The following WWOX variants were observed in gnomAD, a reference collection of about 807,000 sequenced individuals.
WWOX encodes WW domain containing oxidoreductase, also known as WW domain-containing oxidoreductase.
Under a neutral mutation model 46.2 loss-of-function variants are expected in WWOX, and 69 were observed. The observed-to-expected ratio is 1.49, with a 90% CI of 1.23 to 1.82. The LOEUF is 1.82. Ranked by LOEUF, WWOX falls within the 40% of genes most tolerant of loss-of-function variation. The probability of loss-of-function intolerance (pLI) is 0.00; values close to 1 mark genes in which losing one functional copy is unlikely to be tolerated. For synonymous variants in WWOX, 359 were observed against 202.6 expected (o/e 1.77, Z -6.56); for missense variants, 919 against 542.6 (o/e 1.69, Z -6.89).
intron 8 of WWOX, among the ~76,000 whole-genome samples, chr16:78,933,664 C>G (rs1477813655): frequency 1.3e-5 from 2 of 152,082 alleles, no homozygotes; most frequent in African/African-American, 2.4e-5. Context: ...CTGGGGAGGC[C>G]TCACAATTAC....
intron 8 of WWOX, among the ~76,000 whole-genome samples, chr16:78,663,468 G>T (rs560300282): frequency 2.0e-5 from 3 of 152,056 alleles, no homozygotes; most frequent in African/African-American, 7.2e-5. Flanking sequence ...ATAATACTGC[G>T]ATATGAACAT....
chr16:79,126,639 C>T (rs1344921572), intron 8 of WWOX, among the ~76,000 whole-genome samples: 2 of 152,140 alleles, frequency 1.3e-5, no homozygotes, highest in African/African-American at 4.8e-5. Context: ...ACTACCCAGT[C>T]TCAGGTATTT....
At chr16:78,571,082 T>C (rs570442809) in intron 8 of WWOX, among the ~76,000 whole-genome samples, 1 of 152,320 alleles carries the variant, frequency 6.6e-6, no homozygotes, top group South Asian at 2.1e-4. Flanking sequence ...ATTGCTCCTT[T>C]CTTTATCTGC....
At chr16:79,149,087 G>T (rs1185125159) in intron 8 of WWOX, among the ~76,000 whole-genome samples, 3 of 152,148 alleles carry the variant, frequency 2.0e-5, no homozygotes, top group Non-Finnish European at 4.4e-5. Flanking sequence ...AGAGTAGTGA[G>T]AACATCCTTG....
chr16:78,569,838 A>G lies in WWOX; in HGVS notation c.1056+137086A>G, dbSNP rs144339472. Among the ~76,000 whole-genome samples, 100 of 152,310 alleles carry G rather than the reference A, an allele frequency of 6.6e-4. 1 individual carries two copies. Among genetic ancestry groups the G allele is most frequent in the African/African-American group, 2.2e-3 (93 of 41,574 alleles). On this transcript the variant is annotated intron_variant, in intron 8 of 8. Coordinates refer to ENST00000566780, the MANE Select transcript of WWOX (RefSeq NM_016373.4). ...GAGCTGCTAATAAACCATATTCGTAATATGATGTGACCTCATCGACAGGCT... is the reference window on the plus strand; with the variant it reads ...GAGCTGCTAATAAACCATATTCGTAGTATGATGTGACCTCATCGACAGGCT...
intron 4 of WWOX, among the ~76,000 whole-genome samples, chr16:78,127,360 C>T (rs563232347): frequency 6.6e-6 from 1 of 152,094 alleles, no homozygotes; most frequent in South Asian, 2.1e-4. Flanking sequence ...GTTCCCAGAT[C>T]CTCAAGAGGC....
chr16:79,011,375 C>T (rs1175857278), intron 8 of WWOX, among the ~76,000 whole-genome samples: 1 of 151,862 alleles, frequency 6.6e-6, no homozygotes, highest in Non-Finnish European at 1.5e-5. Flanking sequence ...CCCTTTGGAA[C>T]TTCTGTTGGT....
chr16:79,168,376 T>C (rs910708105), intron 8 of WWOX, among the ~76,000 whole-genome samples: 17 of 152,232 alleles, frequency 1.1e-4, no homozygotes, highest in African/African-American at 4.1e-4. Flanking sequence ...GGATGTGTTC[T>C]AAGGCACTAG....
intron 8 of WWOX, among the ~76,000 whole-genome samples, chr16:78,967,696 C>T (rs1030037734): frequency 5.3e-5 from 8 of 151,988 alleles, no homozygotes; most frequent in African/African-American, 9.7e-5. Context: ...GTGTTAGGTT[C>T]CCACAGGATG....
chr16:78,853,896 A>G (rs1170869701), intron 8 of WWOX, among the ~76,000 whole-genome samples: 1 of 152,208 alleles, frequency 6.6e-6, no homozygotes, highest in African/African-American at 2.4e-5. Context: ...GAAGATTCAG[A>G]CATTGATGTA....
At chr16:78,460,144 A>G (rs1176329943) in intron 8 of WWOX, among the ~76,000 whole-genome samples, 1 of 132,282 alleles carries the variant, frequency 7.6e-6, no homozygotes, top group African/African-American at 2.8e-5. Context: ...TCCCTTCCCC[A>G]CCCTAAAGAG....
chr16:78,371,024 C>G (rs1459821340), intron 5 of WWOX, among the ~76,000 whole-genome samples: 1 of 108,176 alleles, frequency 9.2e-6, no homozygotes, highest in African/African-American at 3.3e-5. Flanking sequence ...TTTATTATCT[C>G]TTGCTGTTAT....
intron 8 of WWOX, among the ~76,000 whole-genome samples, chr16:79,028,230 T>G (rs2047684444): frequency 6.6e-6 from 1 of 151,826 alleles, no homozygotes; most frequent in Non-Finnish European, 1.5e-5. Context: ...ATTACAGGCG[T>G]GAGCCACCAC....
At chr16:78,625,755 T>A (rs966614854) in intron 8 of WWOX, among the ~76,000 whole-genome samples, 3 of 133,252 alleles carry the variant, frequency 2.3e-5, no homozygotes, top group Admixed American at 1.5e-4. Flanking sequence ...TTTTTGCCAT[T>A]TGCCAATTAC....
intron 8 of WWOX, among the ~76,000 whole-genome samples, chr16:78,625,340 C>T (rs988513782): frequency 6.6e-6 from 1 of 152,176 alleles, no homozygotes; most frequent in Non-Finnish European, 1.5e-5. Flanking sequence ...CCAAGGCCAG[C>T]GTGTTCCATT....
chr16:78,224,379 C>T (rs1438966321), intron 5 of WWOX, among the ~76,000 whole-genome samples: 2 of 149,252 alleles, frequency 1.3e-5, no homozygotes, highest in South Asian at 2.1e-4. Context: ...TGATAACACA[C>T]GTATATATTA....
intron 5 of WWOX, among the ~76,000 whole-genome samples, chr16:78,189,947 G>C (rs1567620836): frequency 6.6e-6 from 1 of 152,034 alleles, no homozygotes; most frequent in African/African-American, 2.4e-5. Context: ...GAGCCACCAC[G>C]CCCGGCTCAA....
At position 78,598,238 on chromosome 16, in the gene WWOX, A is replaced by G. The variant is rs1012101654; in HGVS notation, c.1056+165486A>G. ...GCCCAGAAACAGAAAATATTTCACTATCAGAATTTTCTAGAACCAGTTAAA... is the reference window on the plus strand; with the variant it reads ...GCCCAGAAACAGAAAATATTTCACTGTCAGAATTTTCTAGAACCAGTTAAA... On this transcript the variant is annotated intron_variant, in intron 8 of 8. Transcript: ENST00000566780. Among the ~76,000 whole-genome samples, 3 of 152,186 alleles carry G rather than the reference A, an allele frequency of 2.0e-5. No homozygotes were observed. The South Asian group carries it at 6.2e-4, about 31-fold the overall frequency.
intron 8 of WWOX, among the ~76,000 whole-genome samples, chr16:78,457,068 C>T (rs961433585): frequency 3.3e-5 from 5 of 152,202 alleles, no homozygotes; most frequent in South Asian, 2.1e-4. Context: ...GCCCACCCTA[C>T]GATTTGAATC....
Sources: gnomAD v4.1 joint callset for allele counts (sites outside exome capture counted in the v4.1 genomes callset) on GRCh38, gnomAD v4.1.1 for gene constraint, MANE v1.5 for transcripts, NCBI Gene and HGNC (gene_info 2026-07-23, HGNC 2026-07-21) for gene names.